Variants in CNTN4 observed in about 807,000 individuals in gnomAD.
The protein encoded by CNTN4 is contactin 4, also known as contactin-4.
CNTN4 carries 77 observed loss-of-function variants against 122.5 expected under a neutral mutation model. That is an observed-to-expected ratio of 0.63 (90% CI 0.52 to 0.76). The LOEUF (loss-of-function observed/expected upper bound fraction) is 0.76, where lower values mean the gene tolerates loss of function less well. Among genes scored for constraint, CNTN4 ranks in the 30% least tolerant of loss-of-function variants. CNTN4 has a pLI of 0.00. For synonymous variants in CNTN4, 512 were observed against 447.0 expected (o/e 1.15, Z -1.83); for missense variants, 1,256 against 1,259.1 (o/e 1.00, Z 0.04).
chr3:2,197,435 A>G (rs1226644469), intron 2 of CNTN4, among the ~76,000 whole-genome samples: 6 of 152,234 alleles, frequency 3.9e-5, no homozygotes, highest in East Asian at 1.9e-4. Flanking sequence ...TTGAGTACAT[A>G]TCATGTGCCA....
In CNTN4 at chr3:2,245,347, G is replaced by A. The variant is rs147450593; in HGVS notation, c.-144-93831G>A. 2.0e-3 allele frequency among the ~76,000 whole-genome samples: 297 copies of A among 152,066 alleles called. 3 individuals carry two copies. Among genetic ancestry groups the A allele is most frequent in the South Asian group, 6.4e-3 (31 of 4,812 alleles). The stretch of plus-strand genomic sequence containing the variant: ...CAGCACAGTTTAACAAACACTTTCC[G>A]AGTAGCTACTTTGTGCCAGTTATTC... On this transcript the variant is annotated intron_variant, in intron 2 of 24. Coordinates refer to ENST00000418658, the MANE Select transcript of CNTN4 (RefSeq NM_175607.3).
intron 16 of CNTN4, among the ~76,000 whole-genome samples, chr3:3,032,530 T>A (rs2009399): frequency 6.6e-6 from 1 of 152,016 alleles, no homozygotes; most frequent in African/African-American, 2.4e-5. Flanking sequence ...TATCTCCTTC[T>A]GCTCTGCCCT....
intron 2 of CNTN4, among the ~76,000 whole-genome samples, chr3:2,166,507 G>C (rs2036201542): frequency 6.6e-6 from 1 of 151,874 alleles, no homozygotes; most frequent in Non-Finnish European, 1.5e-5. Context: ...TAACCTGAGA[G>C]TAATGAGTTC....
chr3:2,461,492 C>G (rs2049208160), intron 3 of CNTN4, among the ~76,000 whole-genome samples: 1 of 152,136 alleles, frequency 6.6e-6, no homozygotes. Context: ...CCCAGGCTGG[C>G]CAGCTACTAA....
chr3:2,362,560 G>A lies in CNTN4; in HGVS notation c.-89+23327G>A, dbSNP rs879025331. On this transcript the variant is annotated intron_variant, in intron 3 of 24. Coordinates refer to ENST00000418658, the MANE Select transcript of CNTN4 (RefSeq NM_175607.3). ...GAAGCCCATTCCTCGGATTAACCAGGCTGAAGAAGAAGACAGCAGCTTCTT... is the reference window on the plus strand; with the variant it reads ...GAAGCCCATTCCTCGGATTAACCAGACTGAAGAAGAAGACAGCAGCTTCTT... The A allele has an allele frequency of 4.8e-5, 29 of 603,056 alleles. 1 individual carries two copies. The highest frequency in any genetic ancestry group is 4.1e-4 in the South Asian group (29 of 70,678). 37.4% of individuals were successfully genotyped at this position (603,056 alleles called of 1,614,324 possible). A position where few individuals can be genotyped will look rare whatever the true frequency, so the allele number is the denominator to read the frequency against.
intron 3 of CNTN4, among the ~76,000 whole-genome samples, chr3:2,434,081 C>G (rs2048175041): frequency 6.6e-6 from 1 of 152,064 alleles, no homozygotes; most frequent in Non-Finnish European, 1.5e-5. Context: ...CTTTGGTGAT[C>G]TATTGCACAA....
intron 3 of CNTN4, among the ~76,000 whole-genome samples, chr3:2,430,065 C>G (rs2048005103): frequency 6.6e-6 from 1 of 152,084 alleles, no homozygotes; most frequent in Non-Finnish European, 1.5e-5. Context: ...CCATGGGCTG[C>G]ACCTACTGTC....
chr3:2,867,071 C>T, intron 8 of CNTN4, 122 bp downstream of exon 8: 2 of 876,020 alleles, frequency 2.3e-6, no homozygotes, highest in Non-Finnish European at 3.7e-6. Flanking sequence ...AAGTTTACTG[C>T]AGCCTATATT....
At chr3:2,598,636 A>G (rs2149719095) in intron 4 of CNTN4, among the ~76,000 whole-genome samples, 1 of 152,340 alleles carries the variant, frequency 6.6e-6, no homozygotes, top group African/African-American at 2.4e-5. Context: ...TCATAATTCA[A>G]AAATATAAGG....
At chr3:2,182,910 A>G (rs1480227754) in intron 2 of CNTN4, among the ~76,000 whole-genome samples, 1 of 151,690 alleles carries the variant, frequency 6.6e-6, no homozygotes, top group Non-Finnish European at 1.5e-5. Flanking sequence ...TCTTTGTTTC[A>G]GATTATATTG....
rs186275601 is a variant in CNTN4 at position 2,259,942 on chromosome 3, G to T, written c.-144-79236G>T. Among the ~76,000 whole-genome samples the T allele has an allele frequency of 3.3e-5, 5 of 152,204 alleles. No individual in the cohort carries two copies. In the East Asian group the frequency reaches 9.7e-4, roughly 29 times the overall value. ...CTTTGTTGTGTGTGTGTCCACTGTT[G>T]ATGAGAATGTCACTCTTTGTTATTT... On this transcript the variant is annotated intron_variant, in intron 2 of 24. Coordinates refer to ENST00000418658, the MANE Select transcript of CNTN4 (RefSeq NM_175607.3).
chr3:2,936,191 G>A (rs952422902), intron 13 of CNTN4, among the ~76,000 whole-genome samples: 2 of 152,130 alleles, frequency 1.3e-5, no homozygotes, highest in Non-Finnish European at 2.9e-5. Context: ...AGTGTCTGCC[G>A]TGACTTACCA....
At chr3:2,686,913 A>T (rs915990704) in intron 4 of CNTN4, among the ~76,000 whole-genome samples, 1 of 152,182 alleles carries the variant, frequency 6.6e-6, no homozygotes, top group Non-Finnish European at 1.5e-5. Context: ...CCAAAAAGTG[A>T]TGGTGTCCAA....
chr3:2,337,531 T>C (rs1300723531), intron 2 of CNTN4, among the ~76,000 whole-genome samples: 2 of 152,130 alleles, frequency 1.3e-5, no homozygotes, highest in African/African-American at 4.8e-5. Flanking sequence ...ATACTGTTAT[T>C]GTCCCCACTT....
intron 3 of CNTN4, among the ~76,000 whole-genome samples, chr3:2,343,161 T>C (rs1350283663): frequency 6.6e-6 from 1 of 152,164 alleles, no homozygotes; most frequent in Admixed American, 6.5e-5. Context: ...GAATAGGGTC[T>C]GGAGGCAGGG....
At chr3:2,364,249 G>C (rs1462390133) in intron 3 of CNTN4, among the ~76,000 whole-genome samples, 7 of 152,130 alleles carry the variant, frequency 4.6e-5, no homozygotes. Flanking sequence ...TTATTAAATG[G>C]AAATAATATT....
chr3:2,970,400 T>C (rs1311578913), intron 13 of CNTN4, among the ~76,000 whole-genome samples: 1 of 152,168 alleles, frequency 6.6e-6, no homozygotes, highest in African/African-American at 2.4e-5. Context: ...CGTGGACTAA[T>C]AGGCTACTAT....
chr3:3,009,462 C>T (rs1181024327), intron 14 of CNTN4, among the ~76,000 whole-genome samples: 1 of 151,204 alleles, frequency 6.6e-6, no homozygotes, highest in Non-Finnish European at 1.5e-5. Context: ...GAGATGGAGT[C>T]TTGCTCTGTC....
At chr3:2,535,230 TC>T (rs2077755389) in intron 3 of CNTN4, among the ~76,000 whole-genome samples, 1 of 152,164 alleles carries the variant, frequency 6.6e-6, no homozygotes, top group Admixed American at 6.6e-5. Context: ...TTATGACACA[TC>T]CCCCATGGTT....
Sources: allele counts gnomAD v4.1 joint callset (sites outside exome capture counted in the v4.1 genomes callset), GRCh38; gene constraint gnomAD v4.1.1; transcripts MANE v1.5; gene names NCBI Gene and HGNC (gene_info 2026-07-23, HGNC 2026-07-21).